GLIPR1: variants seen among roughly 807,000 people sequenced by gnomAD.
The protein encoded by GLIPR1 is GLI pathogenesis related 1, also known as glioma pathogenesis-related protein 1.
In GLIPR1, 38 loss-of-function variants were observed where a neutral mutation model predicts 30.3. That is an observed-to-expected ratio of 1.26 (90% CI 0.97 to 1.65). The LOEUF (loss-of-function observed/expected upper bound fraction) is 1.65. Among genes scored for constraint, GLIPR1 ranks in the 40% most tolerant of loss-of-function variants. GLIPR1 has a pLI of 0.00. For missense variants in GLIPR1, 285 were observed against 326.5 expected (o/e 0.87, Z 0.98); for synonymous variants, 122 against 110.6 (o/e 1.10, Z -0.65).
chr12:75,485,632 G>A (rs1384357367), intron 2 of GLIPR1, among the ~76,000 whole-genome samples: 1 of 149,652 alleles, frequency 6.7e-6, no homozygotes, highest in African/African-American at 2.4e-5. Context: ...CTCACTGCAA[G>A]CTCCGCCTCC....
rs202217675 is a variant in GLIPR1, at chr12:75,488,652, ACTT to A, written c.421-1749_421-1747del. 5.8e-3 allele frequency among the ~76,000 whole-genome samples: 877 copies of A among 152,218 alleles called. 22 individuals carry two copies. Among genetic ancestry groups the A allele is most frequent in the Non-Finnish European group, 1.0e-3 (71 of 68,002 alleles). The stretch of plus-strand genomic sequence containing the variant: ...TAAATTTCATTTATTTTTAAAGTAA[ACTT>A]CTTCATTTTCTGCAGCCACACTGGC... On this transcript the variant is annotated intron_variant, in intron 2 of 5. Transcript: ENST00000266659.
intron 5 of GLIPR1, 39 bp downstream of exon 5, chr12:75,498,759 T>C (rs1321352220): frequency 5.6e-6 from 9 of 1,608,042 alleles, no homozygotes; most frequent in Non-Finnish European, 6.8e-6. Flanking sequence ...TTAAGAGCTA[T>C]GTGAATTCTG....
Position 75,500,065 on chromosome 12 carries a change from TATAATTGA to T in GLIPR1, c.*1097_*1104del, listed in dbSNP as rs2046380966. 1 of 740,184 alleles carries T rather than the reference TATAATTGA, an allele frequency of 1.4e-6. No homozygotes were observed. 45.9% of individuals were successfully genotyped at this position (740,184 alleles called of 1,614,324 possible). ...AAGGCAGTTAACTTCAGAGTATTCT[TATAATTGA>T]ATAATTGAAAGGTGATCACAGTATA... On this transcript the variant is annotated 3_prime_UTR_variant, in exon 6 of 6. Transcript: ENST00000266659.
At chr12:75,489,302 T>C (rs1327805982) in intron 2 of GLIPR1, among the ~76,000 whole-genome samples, 1 of 152,220 alleles carries the variant, frequency 6.6e-6, no homozygotes, top group East Asian at 1.9e-4. Flanking sequence ...GTTTCCCTCC[T>C]ACATCACTGA....
At chr12:75,482,117 T>C in intron 2 of GLIPR1, 38 bp downstream of exon 2, 1 of 1,585,408 alleles carries the variant, frequency 6.3e-7, no homozygotes, top group Non-Finnish European at 8.6e-7. Flanking sequence ...AACTGTCTTT[T>C]CAAGTATGAG....
In GLIPR1 at chr12:75,499,698, CAA is replaced by C. The variant is rs35207358; in HGVS notation, c.*732_*733del. 0.011 allele frequency: 6,109 copies of C among 551,928 alleles called. No individual in the cohort carries two copies. The highest frequency in any genetic ancestry group is 0.015 in the South Asian group (462 of 30,614). The allele number at this position is 551,928 out of a possible 1,614,324, so 34.2% of individuals were successfully genotyped here. On this transcript the variant is annotated 3_prime_UTR_variant, in exon 6 of 6. Transcript: ENST00000266659. ...CTCTTCTATGAACAACCACCACCAC[CAA>C]AAAAAAAAAAAGCCCTCAGAAAATT... is the stretch of plus-strand genomic sequence containing the variant.
chr12:75,501,693 TA>T lies in GLIPR1; in HGVS notation c.*2718del. 1 of 1,409,528 alleles carries T rather than the reference TA, an allele frequency of 7.1e-7. No individual in the cohort carries two copies. Among genetic ancestry groups the T allele is most frequent in the Non-Finnish European group, 9.9e-7 (1 of 1,009,202 alleles). The allele number at this position is 1,409,528 out of a possible 1,614,324, so 87.3% of individuals were successfully genotyped here. ...TTATGGGTTTACTTTTCCTAATTAA[TA>T]AAGACTTTTACATCATAGAAAGCAT... On this transcript the variant is annotated 3_prime_UTR_variant, in exon 6 of 6. Transcript: ENST00000266659.
rs2046378479 is a variant in GLIPR1 at position 75,499,789 on chromosome 12, G to C, written c.*811G>C. The C allele has an allele frequency of 1.3e-6, 2 of 1,575,392 alleles. No individual in the cohort carries two copies. Among genetic ancestry groups the C allele is most frequent in the African/African-American group, 1.4e-5 (1 of 72,344 alleles). ...TCCTTTACAAAAGGAGATAGTTCTA[G>C]TCAAGGAGTTTTGGGTATGTTACTT... is the stretch of plus-strand genomic sequence containing the variant. On this transcript the variant is annotated 3_prime_UTR_variant, in exon 6 of 6. Coordinates refer to ENST00000266659, the MANE Select transcript of GLIPR1 (RefSeq NM_006851.3).
In GLIPR1 at chr12:75,495,577, A is replaced by AG; in HGVS notation, c.537dup (p.Asn180GlufsTer8). On this transcript the variant is annotated frameshift_variant and splice_region_variant, in exon 4 of 6. Transcript: ENST00000266659. LOFTEE classifies it high-confidence loss of function. ...TGGACATCCTTCTTCTGCTTTACAGAGGGAATTACCCAACTTGGCCATATA... is the reference window on the plus strand; with the variant it reads ...TGGACATCCTTCTTCTGCTTTACAGAGGGGAATTACCCAACTTGGCCATATA... 6.3e-7 allele frequency: 1 copy of AG among 1,581,342 alleles called. No individual in the cohort carries two copies. The highest frequency in any genetic ancestry group is 1.1e-5 in the South Asian group (1 of 90,408).
chr12:75,485,519 T>C (rs1246446763), intron 2 of GLIPR1, among the ~76,000 whole-genome samples: 1 of 151,104 alleles, frequency 6.6e-6, no homozygotes, highest in African/African-American at 2.4e-5. Flanking sequence ...CCTCTCACCC[T>C]CTTGACAGCT....
intron 1 of GLIPR1, among the ~76,000 whole-genome samples, 173 bp from the exon 2 acceptor site, chr12:75,481,661 T>C (rs966661989): frequency 6.6e-6 from 1 of 152,164 alleles, no homozygotes; most frequent in African/African-American, 2.4e-5. Context: ...GAAACTAAAT[T>C]GTCACGTTTC....
Position 75,503,806 on chromosome 12 carries a change from T to TATAC in GLIPR1, c.*4830_*4833dup. On this transcript the variant is annotated 3_prime_UTR_variant, in exon 6 of 6. Coordinates refer to ENST00000266659, the MANE Select transcript of GLIPR1 (RefSeq NM_006851.3). Reference sequence around the variant, plus strand: ...TGCACACACACACACAATATATATATATACACATATCCCACCTGAAATACT... The same window carrying TATAC: ...TGCACACACACACACAATATATATATATACATACACATATCCCACCTGAAATACT... The TATAC allele has an allele frequency of 9.4e-7, 1 of 1,058,506 alleles. No homozygotes were observed. Among genetic ancestry groups the TATAC allele is most frequent in the South Asian group, 1.6e-5 (1 of 62,370 alleles). The allele number at this position is 1,058,506 out of a possible 1,614,324, so 65.6% of individuals were successfully genotyped here.
Position 75,502,141 on chromosome 12 carries a change from C to T in GLIPR1, c.*3163C>T. The T allele has an allele frequency of 1.4e-6, 1 of 691,380 alleles. No homozygotes were observed. Among genetic ancestry groups the T allele is most frequent in the Non-Finnish European group, 2.5e-6 (1 of 402,122 alleles). The allele number at this position is 691,380 out of a possible 1,614,324, so 42.8% of individuals were successfully genotyped here. On this transcript the variant is annotated 3_prime_UTR_variant, in exon 6 of 6. Coordinates refer to ENST00000266659, the MANE Select transcript of GLIPR1 (RefSeq NM_006851.3). ...AAAAATGGTAGTGACATAAAGGAAA[C>T]AGAGTCTAAGCTGAGGGGAATACAT...
chr12:75,496,771 A>G (rs1207140575), intron 4 of GLIPR1: 2 of 152,222 alleles, frequency 1.3e-5, no homozygotes, highest in East Asian at 1.9e-4. Flanking sequence ...CTCATGTTTT[A>G]TAAGGTCCCT....
At position 75,500,535 on chromosome 12, in the gene GLIPR1, A is replaced by G. The variant is rs1480004; in HGVS notation, c.*1557A>G. The G allele has an allele frequency of 0.62, 94,127 of 151,610 alleles. 29,380 individuals carry two copies. Among genetic ancestry groups the G allele is most frequent in the South Asian group, 0.67 (3,250 of 4,822 alleles). The allele number at this position is 151,610 out of a possible 1,614,324, so 9.4% of individuals were successfully genotyped here. On this transcript the variant is annotated 3_prime_UTR_variant, in exon 6 of 6. Coordinates refer to ENST00000266659, the MANE Select transcript of GLIPR1 (RefSeq NM_006851.3). The stretch of plus-strand genomic sequence containing the variant: ...AGATTAATTCATTGAATATTAATTC[A>G]ATGAATGACTAATTAATAGTATTTT...
At chr12:75,489,338 C>T (rs1050817278) in intron 2 of GLIPR1, among the ~76,000 whole-genome samples, 2 of 152,140 alleles carry the variant, frequency 1.3e-5, no homozygotes, top group African/African-American at 4.8e-5. Context: ...GTTTTGCAGG[C>T]TGGTTTTGTG....
At position 75,490,195 on chromosome 12, in the gene GLIPR1, T is replaced by TCACACACACA. The variant is rs71829276; in HGVS notation, c.421-181_421-172dup. 6.4e-3 allele frequency among the ~76,000 whole-genome samples: 910 copies of TCACACACACA among 141,686 alleles called. 8 individuals are homozygous for TCACACACACA. The highest frequency in any genetic ancestry group is 0.011 in the African/African-American group (416 of 37,706). The allele number at this position is 141,686 out of a possible 152,430, so 93.0% of individuals were successfully genotyped here. A position where few individuals can be genotyped will look rare whatever the true frequency, so the allele number is the denominator to read the frequency against. ...TTGTACTGTCAAAAATTATCTTATT[T>TCACACACACA]CACACACACACACACACACACACAC... On this transcript the variant is annotated intron_variant, in intron 2 of 5. Coordinates refer to ENST00000266659, the MANE Select transcript of GLIPR1 (RefSeq NM_006851.3).
At chr12:75,483,752 G>A (rs1158942942) in intron 2 of GLIPR1, 2 of 152,226 alleles carry the variant, frequency 1.3e-5, no homozygotes, top group Non-Finnish European at 2.9e-5. Flanking sequence ...TGAAAACTGA[G>A]TGGGAATTTT....
intron 2 of GLIPR1, chr12:75,489,819 G>C (rs2046311314): frequency 6.6e-6 from 1 of 152,276 alleles, no homozygotes; most frequent in African/African-American, 2.4e-5. Context: ...TTCACTTCGT[G>C]ACCTAAGACA....
Sources: allele counts gnomAD v4.1 joint callset (sites outside exome capture counted in the v4.1 genomes callset), GRCh38; gene constraint gnomAD v4.1.1; transcripts MANE v1.5; gene names NCBI Gene and HGNC (gene_info 2026-07-23, HGNC 2026-07-21).